Variants in PARP4 observed in about 807,000 individuals in gnomAD.
PARP4 encodes the protein protein mono-ADP-ribosyltransferase PARP4.
PARP4 carries 120 observed loss-of-function variants against 187.7 expected under a neutral mutation model. That is an observed-to-expected ratio of 0.64 (90% CI 0.55 to 0.74). The LOEUF is 0.74. Among genes scored for constraint, PARP4 ranks in the 30% least tolerant of loss-of-function variants. PARP4 has a pLI of 0.00. For synonymous variants in PARP4, 654 were observed against 740.9 expected (o/e 0.88, Z 1.90); for missense variants, 1,836 against 2,070.5 (o/e 0.89, Z 2.20).
chr13:24,510,770 C>T (rs1342785334), intron 1 of PARP4, among the ~76,000 whole-genome samples: 1 of 145,816 alleles, frequency 6.9e-6, no homozygotes, highest in Non-Finnish European at 1.5e-5. Flanking sequence ...TAAGTACATA[C>T]ACATAGTTGT....
chr13:24,430,932 G>A (rs1345983002), intron 32 of PARP4, among the ~76,000 whole-genome samples: 1 of 152,340 alleles, frequency 6.6e-6, no homozygotes, highest in East Asian at 1.9e-4. Flanking sequence ...CTAGCAGGGG[G>A]ATGATGCCAG....
At chr13:24,471,956 C>A (rs564227743) in intron 15 of PARP4, among the ~76,000 whole-genome samples, 1 of 152,316 alleles carries the variant, frequency 6.6e-6, no homozygotes, top group Non-Finnish European at 1.5e-5. Context: ...CTTTCCCAAA[C>A]TCACAGCACT....
At chr13:24,499,562 T>C (rs190274031) in intron 4 of PARP4, among the ~76,000 whole-genome samples, 186 bp from the exon 5 acceptor site, 14 of 152,278 alleles carry the variant, frequency 9.2e-5, no homozygotes, top group South Asian at 2.1e-4. Flanking sequence ...TAAAAGATCA[T>C]TGGAAATGAG....
At chr13:24,427,665 A>G (rs1870128375) in intron 32 of PARP4, among the ~76,000 whole-genome samples, 1 of 152,196 alleles carries the variant, frequency 6.6e-6, no homozygotes, top group Non-Finnish European at 1.5e-5. Context: ...ATACACCATT[A>G]ATTTTACATC....
chr13:24,467,515 C>T (rs1872532882), intron 17 of PARP4, among the ~76,000 whole-genome samples: 2 of 152,250 alleles, frequency 1.3e-5, no homozygotes, highest in African/African-American at 4.8e-5. Context: ...GAGCTCACTG[C>T]AGCCTCGAAC....
At chr13:24,481,810 TA>T (rs1873295064) in intron 12 of PARP4, among the ~76,000 whole-genome samples, 1 of 152,210 alleles carries the variant, frequency 6.6e-6, no homozygotes, top group Non-Finnish European at 1.5e-5. Flanking sequence ...GAGCTATGGC[TA>T]TGGTTGCATC....
rs1873544589 is a variant in PARP4 at position 24,486,215 on chromosome 13, G to A, written c.1305C>T (p.Pro435=). The change falls in exon 11 of 34, where the codon CCC becomes CCT. Residue 435 remains proline (P), a synonymous_variant. Transcript: ENST00000381989. ...EFLSKLGNVR[P]LLHGSPVQNI... is the part of the protein sequence containing the mutation. Reference sequence around the variant, plus strand: ...TTTGTACAGGAGAACCATGCAACAAGGGCCTCACATTACCAAGTTTGCTCA... The same window carrying A: ...TTTGTACAGGAGAACCATGCAACAAAGGCCTCACATTACCAAGTTTGCTCA... 3.7e-6 allele frequency: 6 copies of A among 1,613,806 alleles called. No individual in the cohort carries two copies. Among genetic ancestry groups the A allele is most frequent in the Non-Finnish European group, 5.1e-6 (6 of 1,179,872 alleles).
chr13:24,455,168 AG>A lies in PARP4; in HGVS notation c.2606del (p.Pro869LeufsTer3). Reference sequence around the variant, plus strand: ...TCACTTCGCTCTCACTGGCTAGGTCAGGGAGGTCGACATCGAGATCGGGTTG... The same window carrying A: ...TCACTTCGCTCTCACTGGCTAGGTCAGGAGGTCGACATCGAGATCGGGTTG... ...VFQPDLDVDL[P>X]DLASESEVII... is the part of the protein sequence containing the mutation. On this transcript the variant is annotated frameshift_variant, in exon 22 of 34. Transcript: ENST00000381989. LOFTEE classifies it high-confidence loss of function. The A allele has an allele frequency of 6.2e-7, 1 of 1,602,400 alleles. No individual in the cohort carries two copies. Among genetic ancestry groups the A allele is most frequent in the Non-Finnish European group, 8.5e-7 (1 of 1,170,546 alleles).
At chr13:24,499,150 A>G in intron 5 of PARP4, 151 bp downstream of exon 5, 1 of 750,330 alleles carries the variant, frequency 1.3e-6, no homozygotes, top group Non-Finnish European at 1.9e-6. Flanking sequence ...ATATAAATAA[A>G]ATTAACTCAT....
At position 24,469,969 on chromosome 13, in the gene PARP4, A is replaced by G. The variant is rs759967754; in HGVS notation, c.1971T>C (p.Tyr657=). The change falls in exon 16 of 34, where the codon TAT becomes TAC. Residue 657 remains tyrosine, a synonymous_variant. Transcript: ENST00000381989. ...CGGCCTTGTCATCCAAAGGAAAGAT[A>G]TATTTTGCCTCAATGGGCACGTGAC... is the stretch of plus-strand genomic sequence containing the variant. ...NKSHVPIEAK[Y]IFPLDDKAAV... is the part of the protein sequence containing the mutation. The G allele has an allele frequency of 9.3e-6, 15 of 1,613,868 alleles. No homozygotes were observed. Among genetic ancestry groups the G allele is most frequent in the Admixed American group, 1.7e-5 (1 of 60,012 alleles).
In PARP4 at chr13:24,455,093, T is replaced by C. The variant is rs769569695; in HGVS notation, c.2682A>G (p.Gln894=). The change falls in exon 22 of 34, where the codon CAA becomes CAG. Residue 894 remains glutamine, a synonymous_variant. Coordinates refer to ENST00000381989, the MANE Select transcript of PARP4 (RefSeq NM_006437.4). Reference sequence around the variant, plus strand: ...GCGCATGCAAGGCGATTTGCTTGGCTTGCAAGAATGTCACACCCTCCATGG... The same window carrying C: ...GCGCATGCAAGGCGATTTGCTTGGCCTGCAAGAATGTCACACCCTCCATGG... ...SSSMEGVTFL[Q]AKQIALHALS... The C allele has an allele frequency of 1.2e-6, 2 of 1,613,466 alleles. No individual in the cohort carries two copies. Among genetic ancestry groups the C allele is most frequent in the Admixed American group, 1.7e-5 (1 of 60,012 alleles).
At chr13:24,462,743 C>T (rs1329630050) in intron 17 of PARP4, among the ~76,000 whole-genome samples, 1 of 152,142 alleles carries the variant, frequency 6.6e-6, no homozygotes, top group Non-Finnish European at 1.5e-5. Flanking sequence ...TAGAAACAAA[C>T]ACATTATCAA....
intron 27 of PARP4, among the ~76,000 whole-genome samples, chr13:24,444,321 C>T (rs1339379628): frequency 1.3e-5 from 2 of 152,422 alleles, no homozygotes; most frequent in Admixed American, 1.3e-4. Flanking sequence ...CCTTCTTTCC[C>T]CCTTAGATCT....
chr13:24,485,028 TAAG>T (rs1873480569), intron 11 of PARP4, among the ~76,000 whole-genome samples: 1 of 152,264 alleles, frequency 6.6e-6, no homozygotes, highest in Admixed American at 6.5e-5. Flanking sequence ...AAGATTATTT[TAAG>T]AAGATTCTCC....
intron 30 of PARP4, among the ~76,000 whole-genome samples, chr13:24,439,717 G>C (rs1394046930): frequency 6.6e-6 from 1 of 151,958 alleles, no homozygotes; most frequent in African/African-American, 2.4e-5. Context: ...TATTTTCCAG[G>C]GCCCATTTTA....
rs1378659146 is a variant in PARP4 at position 24,455,216 on chromosome 13, A to T, written c.2563-4T>A. Reference sequence around the variant, plus strand: ...GTTGAAAGACAAGCATGCAAGCCTGAAAGGAGAAAGAAGGTGCTGGACTGG... The same window carrying T: ...GTTGAAAGACAAGCATGCAAGCCTGTAAGGAGAAAGAAGGTGCTGGACTGG... On this transcript the variant is annotated splice_polypyrimidine_tract_variant and splice_region_variant and intron_variant, in intron 21 of 33. Transcript: ENST00000381989. 3 of 1,575,104 alleles carry T rather than the reference A, an allele frequency of 1.9e-6. No individual in the cohort carries two copies. Among genetic ancestry groups the T allele is most frequent in the South Asian group, 1.1e-5 (1 of 88,156 alleles).
intron 25 of PARP4, among the ~76,000 whole-genome samples, chr13:24,448,088 G>A (rs1318843806): frequency 6.6e-6 from 1 of 152,084 alleles, no homozygotes; most frequent in Non-Finnish European, 1.5e-5. Flanking sequence ...GTGTGGGCCT[G>A]TTGTCCCACC....
At chr13:24,452,616 T>C (rs1290932709) in intron 23 of PARP4, 23 bp from the exon 24 acceptor site, 15 of 1,591,896 alleles carry the variant, frequency 9.4e-6, no homozygotes, top group Non-Finnish European at 1.2e-5. Flanking sequence ...AAGTGAAAGA[T>C]TATGTTCTCC....
intron 17 of PARP4, among the ~76,000 whole-genome samples, chr13:24,468,400 CTTTTTT>C (rs140804702): frequency 1.6e-5 from 2 of 121,262 alleles, no homozygotes; most frequent in Non-Finnish European, 3.4e-5. Context: ...TATCACACTC[CTTTTTT>C]TTTTTTTTTT....
Sources: gnomAD v4.1 joint callset for allele counts (sites outside exome capture counted in the v4.1 genomes callset) on GRCh38, gnomAD v4.1.1 for gene constraint, MANE v1.5 for transcripts, NCBI Gene and HGNC (gene_info 2026-07-23, HGNC 2026-07-21) for gene names.